Variants in MKLN1 observed in about 807,000 individuals in gnomAD.
The protein encoded by MKLN1 is muskelin.
MKLN1 carries 18 observed loss-of-function variants against 99.0 expected under a neutral mutation model. The ratio of observed to expected loss-of-function variants is 0.18; its 90% confidence interval spans 0.13 to 0.27. The LOEUF is 0.27. MKLN1 is among the 10% of genes least tolerant of loss of function. The pLI, the probability that MKLN1 is intolerant of heterozygous loss-of-function variation, is 1.00. For missense variants in MKLN1, 621 were observed against 875.9 expected, an observed-to-expected ratio of 0.71 and a Z score of 3.67; for synonymous variants, 288 against 293.2, an observed-to-expected ratio of 0.98 and a Z score of 0.18.
At chr7:131,338,809 G>C (rs538055615) in intron 1 of MKLN1, among the ~76,000 whole-genome samples, 4 of 152,258 alleles carry the variant, frequency 2.6e-5, no homozygotes, top group African/African-American at 9.6e-5. Context: ...AAATACAGTT[G>C]ACCCTTGAAC....
chr7:131,328,415 TC>T (rs1463328847), intron 1 of MKLN1, among the ~76,000 whole-genome samples: 10 of 152,038 alleles, frequency 6.6e-5, no homozygotes, highest in Non-Finnish European at 2.9e-5. Flanking sequence ...GGGGGACAGT[TC>T]AGTCGATTGC....
At chr7:131,163,663 T>C (rs759354605) in intron 2 of MKLN1, among the ~76,000 whole-genome samples, 2 of 152,322 alleles carry the variant, frequency 1.3e-5, no homozygotes, top group Non-Finnish European at 1.5e-5. Context: ...GAAACCATTC[T>C]CTGAAATATT....
chr7:131,334,990 AGTTGATCC>A (rs1052753284), intron 1 of MKLN1, among the ~76,000 whole-genome samples: 3 of 152,206 alleles, frequency 2.0e-5, no homozygotes, highest in African/African-American at 7.2e-5. Flanking sequence ...ATCTTAGGAT[AGTTGATCC>A]GGGTATCTTC....
At chr7:131,391,643 C>T (rs1258442867) in intron 4 of MKLN1, among the ~76,000 whole-genome samples, 1 of 152,154 alleles carries the variant, frequency 6.6e-6, no homozygotes, top group Non-Finnish European at 1.5e-5. Context: ...TGCCTTCCTT[C>T]AGGAAAGTTT....
chr7:131,255,951 G>A (rs1433308316), intron 3 of MKLN1, among the ~76,000 whole-genome samples: 1 of 150,000 alleles, frequency 6.7e-6, no homozygotes, highest in Non-Finnish European at 1.5e-5. Flanking sequence ...TGTTTCCTAG[G>A]CTGGAGTGCA....
chr7:131,300,031 G>A (rs1406338809), intron 3 of MKLN1, among the ~76,000 whole-genome samples: 2 of 152,094 alleles, frequency 1.3e-5, no homozygotes, highest in African/African-American at 2.4e-5. Flanking sequence ...TGGGGCAAAC[G>A]AGAAAAGGGT....
intron 2 of MKLN1, among the ~76,000 whole-genome samples, chr7:131,162,853 T>C (rs1230243285): frequency 6.6e-6 from 1 of 152,250 alleles, no homozygotes; most frequent in Non-Finnish European, 1.5e-5. Context: ...AAGTAAAATA[T>C]AGCACTAAAA....
At chr7:131,406,964 G>T (rs1322741469) in intron 6 of MKLN1, among the ~76,000 whole-genome samples, 4 of 152,004 alleles carry the variant, frequency 2.6e-5, no homozygotes, top group Non-Finnish European at 5.9e-5. Context: ...CAGTGTGGCA[G>T]CCCTGTTAAC....
At chr7:131,137,871 G>A (rs1386602993) in intron 1 of MKLN1, among the ~76,000 whole-genome samples, 3 of 151,388 alleles carry the variant, frequency 2.0e-5, no homozygotes, top group Non-Finnish European at 2.9e-5. Flanking sequence ...CACTGCACCC[G>A]GCCAGAACAC....
At chr7:131,442,603 C>G (rs1035709147) in intron 10 of MKLN1, among the ~76,000 whole-genome samples, 2 of 152,012 alleles carry the variant, frequency 1.3e-5, no homozygotes, top group African/African-American at 4.8e-5. Flanking sequence ...ACATAAATAG[C>G]AGAAGTAATC....
At chr7:131,297,582 G>A (rs540077772) in intron 3 of MKLN1, among the ~76,000 whole-genome samples, 5 of 151,990 alleles carry the variant, frequency 3.3e-5, no homozygotes, top group African/African-American at 4.8e-5. Context: ...CCACTCCCCC[G>A]AAGTCTACTG....
intron 1 of MKLN1, among the ~76,000 whole-genome samples, chr7:131,356,366 A>G (rs1213314622): frequency 6.6e-6 from 1 of 151,192 alleles, no homozygotes; most frequent in Non-Finnish European, 1.5e-5. Context: ...GTCGCCTAAC[A>G]CTCCTGGTGT....
At chr7:131,157,403 T>TA (rs1001343335) in intron 2 of MKLN1, among the ~76,000 whole-genome samples, 7 of 151,922 alleles carry the variant, frequency 4.6e-5, no homozygotes, top group African/African-American at 1.2e-4. Context: ...GTCTTAAAAA[T>TA]AAAAAAATTC....
intron 3 of MKLN1, among the ~76,000 whole-genome samples, chr7:131,217,663 A>G (rs1279031210): frequency 6.6e-6 from 1 of 152,204 alleles, no homozygotes; most frequent in Non-Finnish European, 1.5e-5. Context: ...GTGCCATGGC[A>G]CTCCAGCCTG....
rs564548503 is a variant in MKLN1, at chr7:131,394,567, C to T, written c.401-2700C>T. Among the ~76,000 whole-genome samples, 17 of 152,142 alleles carry T rather than the reference C, an allele frequency of 1.1e-4. No individual in the cohort carries two copies. The East Asian group carries it at 3.1e-3, about 28-fold the overall frequency. On this transcript the variant is annotated intron_variant, in intron 4 of 17. Transcript: ENST00000352689. ...AGTAATGCTCCCTTAACACACTGCG[C>T]ACCTCCTGCCATGCGTCTGGGTTCC...
intron 6 of MKLN1, among the ~76,000 whole-genome samples, chr7:131,409,614 G>A (rs1794812959): frequency 6.6e-6 from 1 of 152,156 alleles, no homozygotes; most frequent in Non-Finnish European, 1.5e-5. Context: ...AGAAAGATTA[G>A]GGGGAGTGCT....
chr7:131,289,152 T>C (rs1397278639), intron 3 of MKLN1, among the ~76,000 whole-genome samples: 1 of 152,134 alleles, frequency 6.6e-6, no homozygotes, highest in Non-Finnish European at 1.5e-5. Context: ...AACCATCTCA[T>C]GAGCATAGGT....
chr7:131,471,926 T>A (rs1373628576), intron 16 of MKLN1: 1 of 152,238 alleles, frequency 6.6e-6, no homozygotes, highest in African/African-American at 2.4e-5. Context: ...TCTTTCATAG[T>A]TTCGTACTAT....
chr7:131,121,670 TA>T (rs1269174879), intron 1 of MKLN1, among the ~76,000 whole-genome samples: 4 of 98,420 alleles, frequency 4.1e-5, no homozygotes, highest in Non-Finnish European at 1.0e-4. Context: ...AAAAAAAAAT[TA>T]CCCAGCCTCA....
Sources: gnomAD v4.1 joint callset for allele counts (sites outside exome capture counted in the v4.1 genomes callset) on GRCh38, gnomAD v4.1.1 for gene constraint, MANE v1.5 for transcripts, NCBI Gene and HGNC (gene_info 2026-07-23, HGNC 2026-07-21) for gene names.